CTNNBL1: variants seen among roughly 807,000 people sequenced by gnomAD.
The protein encoded by CTNNBL1 is beta-catenin-like protein 1.
A neutral mutation model predicts 72.7 loss-of-function variants in CTNNBL1; 31 were observed. The ratio of observed to expected loss-of-function variants is 0.43; its 90% CI spans 0.32 to 0.58. The LOEUF (loss-of-function observed/expected upper bound fraction) is 0.58, where lower values mean the gene tolerates loss of function less well. CTNNBL1 is among the 20% of genes least tolerant of loss of function. CTNNBL1 has a pLI of 0.08. For synonymous variants in CTNNBL1, 240 were observed against 267.3 expected, an observed-to-expected ratio of 0.90 and a Z score of 1.00; for missense variants, 534 against 725.1, an observed-to-expected ratio of 0.74 and a Z score of 3.03.
At chr20:37,831,306 A>G (rs1159179235) in intron 11 of CTNNBL1, among the ~76,000 whole-genome samples, 2 of 152,012 alleles carry the variant, frequency 1.3e-5, no homozygotes, top group South Asian at 2.1e-4. Context: ...AGTATTTTCC[A>G]TGCATGCCAG....
chr20:37,810,706 A>G (rs2072004207), intron 11 of CTNNBL1, among the ~76,000 whole-genome samples: 1 of 152,208 alleles, frequency 6.6e-6, no homozygotes, highest in African/African-American at 2.4e-5. Context: ...CGAAGGATAC[A>G]TAGTATTTAA....
intron 10 of CTNNBL1, among the ~76,000 whole-genome samples, chr20:37,799,370 A>G (rs921266321): frequency 6.6e-6 from 1 of 152,046 alleles, no homozygotes; most frequent in Non-Finnish European, 1.5e-5. Context: ...CTCCTCAGTC[A>G]TCTTCCACCA....
At chr20:37,709,086 G>A (rs1002356380) in intron 1 of CTNNBL1, among the ~76,000 whole-genome samples, 4 of 151,984 alleles carry the variant, frequency 2.6e-5, no homozygotes, top group East Asian at 3.9e-4. Context: ...GCAGTGAGCC[G>A]AGATCGCGCC....
chr20:37,722,045 A>G (rs984170729), intron 1 of CTNNBL1, among the ~76,000 whole-genome samples: 7 of 152,178 alleles, frequency 4.6e-5, no homozygotes, highest in Non-Finnish European at 8.8e-5. Flanking sequence ...TGTCAATCCA[A>G]TGATAACTAA....
intron 1 of CTNNBL1, among the ~76,000 whole-genome samples, chr20:37,729,997 A>G (rs1439742892): frequency 6.6e-6 from 1 of 152,228 alleles, no homozygotes; most frequent in Non-Finnish European, 1.5e-5. Context: ...AGAGTGAAAA[A>G]TAGCAGGTGG....
At chr20:37,768,168 CT>C in intron 7 of CTNNBL1, 124 bp downstream of exon 7, 1 of 693,596 alleles carries the variant, frequency 1.4e-6, no homozygotes, top group Non-Finnish European at 2.4e-6. Flanking sequence ...CTTCTGGTAC[CT>C]CTTGCTTCTT....
intron 7 of CTNNBL1, among the ~76,000 whole-genome samples, chr20:37,774,139 C>T (rs1383046713): frequency 6.6e-6 from 1 of 152,018 alleles, no homozygotes; most frequent in African/African-American, 2.4e-5. Flanking sequence ...GTCTTGAACT[C>T]CTGGGGTCAA....
intron 12 of CTNNBL1, among the ~76,000 whole-genome samples, chr20:37,840,787 A>C (rs1235869571): frequency 1.3e-5 from 2 of 151,864 alleles, no homozygotes; most frequent in Non-Finnish European, 2.9e-5. Context: ...GAAGCTGGGA[A>C]CCCAATTACA....
intron 1 of CTNNBL1, among the ~76,000 whole-genome samples, chr20:37,714,959 C>T (rs1285073479): frequency 1.3e-5 from 2 of 152,130 alleles, no homozygotes; most frequent in Non-Finnish European, 2.9e-5. Flanking sequence ...ATTTTGACTA[C>T]CAAAGTCCAT....
intron 11 of CTNNBL1, among the ~76,000 whole-genome samples, chr20:37,829,784 C>G (rs532137279): frequency 6.6e-6 from 1 of 152,208 alleles, no homozygotes; most frequent in Admixed American, 6.5e-5. Flanking sequence ...TTTTCTCCAT[C>G]ATTAGTTTCT....
Position 37,871,958 on chromosome 20 carries a change from C to G in CTNNBL1, c.1637C>G (p.Pro546Arg), listed in dbSNP as rs558966247. The change falls in exon 16 of 16, where the codon CCG becomes CGG. Residue 546 changes from proline (P) to arginine (R), a missense_variant. By Grantham distance (103) the Pro-to-Arg change is moderately radical. Transcript: ENST00000361383. ...GAGAACATCGGGGACGGCCGGAGCC[C>G]GGAGTTCCGGGAGAACGAGCAAAAG... ...YAENIGDGRS[P>R]EFRENEQKRI... The G allele has an allele frequency of 9.9e-5, 160 of 1,613,892 alleles. No individual in the cohort carries two copies. The highest frequency in any genetic ancestry group is 1.3e-4 in the Non-Finnish European group (156 of 1,179,994).
At chr20:37,742,001 G>A (rs1220957229) in intron 3 of CTNNBL1, among the ~76,000 whole-genome samples, 2 of 151,226 alleles carry the variant, frequency 1.3e-5, no homozygotes, top group South Asian at 4.2e-4. Context: ...TTTTTTTAAT[G>A]TCATCCTTTA....
chr20:37,724,267 C>T (rs997395326), intron 1 of CTNNBL1, among the ~76,000 whole-genome samples: 4 of 152,156 alleles, frequency 2.6e-5, no homozygotes, highest in African/African-American at 9.7e-5. Flanking sequence ...CCCCTCTTCT[C>T]CTCTGTTGCC....
At chr20:37,859,132 TG>T (rs2122857575) in intron 13 of CTNNBL1, among the ~76,000 whole-genome samples, 1 of 152,164 alleles carries the variant, frequency 6.6e-6, no homozygotes, top group South Asian at 2.1e-4. Context: ...CCTAGCACTT[TG>T]GGAGGCCAAG....
intron 11 of CTNNBL1, among the ~76,000 whole-genome samples, chr20:37,819,565 A>C (rs1377338673): frequency 6.6e-6 from 1 of 152,248 alleles, no homozygotes; most frequent in African/African-American, 2.4e-5. Flanking sequence ...TGGTCTATGA[A>C]GTATTCTGTC....
At chr20:37,853,314 A>G (rs1568811850) in intron 13 of CTNNBL1, among the ~76,000 whole-genome samples, 1 of 152,360 alleles carries the variant, frequency 6.6e-6, no homozygotes, top group East Asian at 1.9e-4. Flanking sequence ...TGGTCAGAGT[A>G]TTATAGATCA....
intron 12 of CTNNBL1, among the ~76,000 whole-genome samples, chr20:37,841,481 G>C (rs2072303948): frequency 6.6e-6 from 1 of 152,144 alleles, no homozygotes; most frequent in South Asian, 2.1e-4. Flanking sequence ...TAAGGTCTTA[G>C]GGTCATCAGT....
At chr20:37,815,059 A>G (rs980298018) in intron 11 of CTNNBL1, among the ~76,000 whole-genome samples, 2 of 143,106 alleles carry the variant, frequency 1.4e-5, no homozygotes, top group African/African-American at 5.3e-5. Flanking sequence ...TTCAAACACT[A>G]TGTTAGGGAC....
At chr20:37,702,388 T>G (rs1364393831) in intron 1 of CTNNBL1, among the ~76,000 whole-genome samples, 1 of 152,204 alleles carries the variant, frequency 6.6e-6, no homozygotes, top group Non-Finnish European at 1.5e-5. Flanking sequence ...TTTTGGTTGT[T>G]GTTGTTGTGT....
Sources: gnomAD v4.1 joint callset for allele counts (sites outside exome capture counted in the v4.1 genomes callset) on GRCh38, gnomAD v4.1.1 for gene constraint, MANE v1.5 for transcripts, NCBI Gene and HGNC (gene_info 2026-07-23, HGNC 2026-07-21) for gene names.